ELAVL4: variants seen among roughly 807,000 people sequenced by gnomAD.
The protein encoded by ELAVL4 is ELAV like RNA binding protein 4, also known as ELAV-like protein 4.
ELAVL4 carries 1 observed loss-of-function variant against 35.6 expected under a neutral mutation model. The observed-to-expected ratio is 0.03, with a 90% CI of 0.01 to 0.13. The LOEUF (loss-of-function observed/expected upper bound fraction) is 0.13. Among genes scored for constraint, ELAVL4 ranks in the 10% least tolerant of loss-of-function variants. The pLI is 1.00. For missense variants in ELAVL4, 267 were observed against 464.9 expected, an observed-to-expected ratio of 0.57 and a Z score of 3.91; for synonymous variants, 156 against 171.0, an observed-to-expected ratio of 0.91 and a Z score of 0.69.
chr1:50,109,226 T>C, intron 1 of ELAVL4, 28 bp downstream of exon 1: 2 of 1,611,062 alleles, frequency 1.2e-6, no homozygotes, highest in Non-Finnish European at 1.7e-6. Context: ...TATAATCTGT[T>C]GTTTGTGTTG....
At chr1:50,133,599 A>AAAAGAAAGAAAAAG (rs1671264649) in intron 1 of ELAVL4, among the ~76,000 whole-genome samples, 3 of 129,178 alleles carry the variant, frequency 2.3e-5, no homozygotes, top group Non-Finnish European at 4.9e-5. Context: ...AGAAAGAAAG[A>AAAAGAAAGAAAAAG]AAAGAAAGAA....
intron 1 of ELAVL4, among the ~76,000 whole-genome samples, chr1:50,072,555 C>T (rs186275070): frequency 2.3e-4 from 35 of 152,268 alleles, no homozygotes; most frequent in Admixed American, 1.8e-3. Flanking sequence ...AAAGAAAGAG[C>T]TATGGACAAA....
chr1:50,094,273 A>G (rs1665619596), intron 1 of ELAVL4, among the ~76,000 whole-genome samples: 1 of 152,202 alleles, frequency 6.6e-6, no homozygotes, highest in Admixed American at 6.5e-5. Flanking sequence ...ACATACATTT[A>G]TGTCATAAAA....
intron 2 of ELAVL4, chr1:50,175,476 A>G (rs1679854993): frequency 6.6e-6 from 1 of 152,126 alleles, no homozygotes; most frequent in African/African-American, 2.4e-5. Flanking sequence ...GGGTCCCAGC[A>G]GCTGGAGTGC....
chr1:50,052,664 A>G (rs1030537584), intron 1 of ELAVL4, among the ~76,000 whole-genome samples: 1 of 152,224 alleles, frequency 6.6e-6, no homozygotes, highest in Non-Finnish European at 1.5e-5. Context: ...CCATGAATTT[A>G]TGGACCAAAA....
chr1:50,114,880 AAAAT>A (rs1178161364), intron 1 of ELAVL4: 1 of 152,154 alleles, frequency 6.6e-6, no homozygotes, highest in Non-Finnish European at 1.5e-5. Flanking sequence ...AAAGAACAAA[AAAAT>A]AAGACAGCAA....
At chr1:50,097,833 T>C (rs1438777416) in intron 1 of ELAVL4, among the ~76,000 whole-genome samples, 4 of 152,206 alleles carry the variant, frequency 2.6e-5, no homozygotes, top group Non-Finnish European at 5.9e-5. Flanking sequence ...ACATTGATAA[T>C]AAATTTTTAA....
At chr1:50,082,858 G>C (rs897334375) in intron 1 of ELAVL4, among the ~76,000 whole-genome samples, 1 of 152,006 alleles carries the variant, frequency 6.6e-6, no homozygotes, top group African/African-American at 2.4e-5. Context: ...CTACCTACCT[G>C]TCTGCCTAAC....
intron 1 of ELAVL4, among the ~76,000 whole-genome samples, chr1:50,059,262 C>T (rs1663836875): frequency 3.3e-5 from 5 of 152,120 alleles, no homozygotes; most frequent in Admixed American, 3.3e-4. Flanking sequence ...TACACTAAAA[C>T]TTAGCAAGTT....
chr1:50,109,929 T>C (rs1459173983), intron 1 of ELAVL4: 1 of 1,612,398 alleles, frequency 6.2e-7, no homozygotes. Flanking sequence ...GTCCATCTTC[T>C]TCTGATCACA....
chr1:50,124,850 G>C (rs1054998261), intron 1 of ELAVL4, among the ~76,000 whole-genome samples: 8 of 152,088 alleles, frequency 5.3e-5, no homozygotes, highest in African/African-American at 1.9e-4. Flanking sequence ...GTGAGGATGT[G>C]ATGGACCAAT....
rs188266712 is a variant in ELAVL4, at chr1:50,056,427, C to G, written c.18+8245C>G. Among the ~76,000 whole-genome samples, 6 of 152,186 alleles carry G rather than the reference C, an allele frequency of 3.9e-5. No homozygotes were observed. In the East Asian group the frequency reaches 1.2e-3, roughly 29 times the overall value. On this transcript the variant is annotated intron_variant, in intron 1 of 6. Transcript: ENST00000448907. ...AGATTATAATGGAGCTGAAAAACTC[C>G]CATTGCTTAGTGACATCATAGCCAT...
chr1:50,120,791 A>G (rs1668896643), intron 1 of ELAVL4, among the ~76,000 whole-genome samples: 1 of 152,076 alleles, frequency 6.6e-6, no homozygotes, highest in Non-Finnish European at 1.5e-5. Flanking sequence ...ACTTTACTTC[A>G]GATTGTAAAG....
chr1:50,163,615 C>T (rs567561975), intron 2 of ELAVL4, among the ~76,000 whole-genome samples: 1 of 152,238 alleles, frequency 6.6e-6, no homozygotes, highest in South Asian at 2.1e-4. Context: ...CACTTGAGGC[C>T]AGAAGTTCGA....
intron 1 of ELAVL4, among the ~76,000 whole-genome samples, chr1:50,090,895 C>G (rs941425904): frequency 5.9e-5 from 9 of 152,116 alleles, no homozygotes; most frequent in African/African-American, 2.2e-4. Context: ...GTCCCTGCAC[C>G]GCAGTCAGAG....
At chr1:50,085,499 C>A (rs1397089269) in intron 1 of ELAVL4, among the ~76,000 whole-genome samples, 1 of 152,164 alleles carries the variant, frequency 6.6e-6, no homozygotes, top group Non-Finnish European at 1.5e-5. Flanking sequence ...ATAATCTGGG[C>A]AGGATCTTCT....
chr1:50,104,800 C>T (rs1666178324), upstream of ELAVL4, among the ~76,000 whole-genome samples: 1 of 152,194 alleles, frequency 6.6e-6, no homozygotes, highest in African/African-American at 2.4e-5. Context: ...TCAGGTGGTT[C>T]TATATCCTTT....
chr1:50,085,256 A>G (rs552683403), intron 1 of ELAVL4, among the ~76,000 whole-genome samples: 1 of 152,348 alleles, frequency 6.6e-6, no homozygotes, highest in African/African-American at 2.4e-5. Context: ...GAGATGATAT[A>G]TAAAGTTGAC....
In ELAVL4 at chr1:50,189,601, C is replaced by G. The variant is rs576084907; in HGVS notation, c.355-4164C>G. 2.6e-5 allele frequency among the ~76,000 whole-genome samples: 4 copies of G among 152,246 alleles called. No individual in the cohort carries two copies. In the East Asian group the frequency reaches 7.7e-4, roughly 29 times the overall value. On this transcript the variant is annotated intron_variant, in intron 3 of 6. Transcript: ENST00000371824. ...ACAGGCATTCCCTGGTAGTGTTCCA[C>G]ATGTTTTTTTTGTTTGTTTTTTGGG... is the stretch of plus-strand genomic sequence containing the variant.
Sources: gnomAD v4.1 joint callset for allele counts (sites outside exome capture counted in the v4.1 genomes callset) on GRCh38, gnomAD v4.1.1 for gene constraint, MANE v1.5 for transcripts, NCBI Gene and HGNC (gene_info 2026-07-23, HGNC 2026-07-21) for gene names.